Variants in CACHD1 observed in about 807,000 individuals in gnomAD.
CACHD1 encodes the protein VWFA and cache domain-containing protein 1.
Under a neutral mutation model 138.7 loss-of-function variants are expected in CACHD1, and 71 were observed. The observed-to-expected ratio is 0.51, with a 90% CI of 0.42 to 0.62. The LOEUF (loss-of-function observed/expected upper bound fraction) is 0.62. Ranked by LOEUF, CACHD1 falls within the 20% of genes least tolerant of loss-of-function variation. The pLI, the probability that CACHD1 is intolerant of heterozygous loss-of-function variation, is 0.00. For synonymous variants in CACHD1, 578 were observed against 591.5 expected (o/e 0.98, Z 0.33); for missense variants, 1,389 against 1,625.3 (o/e 0.85, Z 2.50).
chr1:64,676,990 G>A lies in CACHD1; in HGVS notation c.3071G>A (p.Cys1024Tyr). ...DALHQCVNSR[C>Y]SQRLESGDCF... ...CTTCACCAGTGTGTCAACAGCAGGT[G>A]CAGTCAGAGGCTGGAAAGTGGGTAA... is the stretch of plus-strand genomic sequence containing the variant. The change falls in exon 22 of 27, where the codon TGC (cysteine) becomes TAC (tyrosine). Residue 1024 changes from cysteine to tyrosine, a missense_variant. Cys to Tyr is a radical substitution (Grantham distance 194). Transcript: ENST00000651257. The A allele has an allele frequency of 6.2e-7, 1 of 1,613,610 alleles. No homozygotes were observed. The highest frequency in any genetic ancestry group is 8.5e-7 in the Non-Finnish European group (1 of 1,179,670).
chr1:64,473,526 C>T (rs1646157593), intron 1 of CACHD1, among the ~76,000 whole-genome samples: 1 of 151,854 alleles, frequency 6.6e-6, no homozygotes, highest in South Asian at 2.1e-4. Context: ...CAGAGGTAAG[C>T]CTCACATAGG....
chr1:64,665,025 T>C (rs1649582589), intron 15 of CACHD1, among the ~76,000 whole-genome samples: 2 of 152,252 alleles, frequency 1.3e-5, no homozygotes, highest in Admixed American at 6.5e-5. Context: ...TTACAGCTTA[T>C]GTATGACCTG....
chr1:64,520,359 T>C (rs1646489478), intron 1 of CACHD1, among the ~76,000 whole-genome samples: 1 of 152,170 alleles, frequency 6.6e-6, no homozygotes, highest in African/African-American at 2.4e-5. Context: ...CCCACACAAA[T>C]CCACCTCTGA....
At chr1:64,482,046 G>C (rs1156777783) in intron 1 of CACHD1, among the ~76,000 whole-genome samples, 1 of 152,120 alleles carries the variant, frequency 6.6e-6, no homozygotes, top group East Asian at 1.9e-4. Flanking sequence ...TATCATCTCT[G>C]ATATAAATGT....
intron 13 of CACHD1, among the ~76,000 whole-genome samples, chr1:64,662,276 TGGG>T (rs1649469816): frequency 6.6e-6 from 1 of 152,224 alleles, no homozygotes. Flanking sequence ...GGCCTTGACT[TGGG>T]GTTCCTATCA....
At chr1:64,525,395 A>C (rs1314435032) in intron 1 of CACHD1, among the ~76,000 whole-genome samples, 4 of 152,160 alleles carry the variant, frequency 2.6e-5, no homozygotes, top group Non-Finnish European at 4.4e-5. Flanking sequence ...ATAACCTATC[A>C]GACATTCTTT....
At chr1:64,651,372 C>T (rs1335922905) in intron 9 of CACHD1, among the ~76,000 whole-genome samples, 1 of 152,042 alleles carries the variant, frequency 6.6e-6, no homozygotes, top group East Asian at 1.9e-4. Flanking sequence ...TTGTTTTCAC[C>T]TTTTTTTAAA....
At chr1:64,680,487 GAA>G (rs111606474) in intron 24 of CACHD1, among the ~76,000 whole-genome samples, 1 of 142,436 alleles carries the variant, frequency 7.0e-6, no homozygotes, top group African/African-American at 2.6e-5. Flanking sequence ...GACTCCATCT[GAA>G]AAAAAAAAAA....
At chr1:64,558,869 A>G (rs1011635563) in intron 2 of CACHD1, among the ~76,000 whole-genome samples, 3 of 152,228 alleles carry the variant, frequency 2.0e-5, no homozygotes, top group Non-Finnish European at 2.9e-5. Context: ...GAAGACATAC[A>G]TCTTCCCAAC....
At chr1:64,574,322 A>G (rs1025249068) in intron 2 of CACHD1, among the ~76,000 whole-genome samples, 6 of 152,196 alleles carry the variant, frequency 3.9e-5, no homozygotes, top group African/African-American at 1.4e-4. Context: ...ATAAGGCACA[A>G]ATGAGACACT....
At chr1:64,479,221 C>T (rs1412455680) in intron 1 of CACHD1, among the ~76,000 whole-genome samples, 2 of 152,180 alleles carry the variant, frequency 1.3e-5, no homozygotes, top group African/African-American at 4.8e-5. Flanking sequence ...ATCATAATGA[C>T]TTCAACACAG....
chr1:64,652,882 C>A (rs1043248157), intron 10 of CACHD1, among the ~76,000 whole-genome samples: 9 of 152,198 alleles, frequency 5.9e-5, no homozygotes, highest in Non-Finnish European at 1.2e-4. Context: ...ACCCAGCAAT[C>A]CCATTACTGG....
chr1:64,616,032 A>G (rs1193657410), intron 4 of CACHD1, among the ~76,000 whole-genome samples: 1 of 152,102 alleles, frequency 6.6e-6, no homozygotes, highest in East Asian at 1.9e-4. Context: ...ATGTGTCCTG[A>G]CTCCTAGTCA....
intron 1 of CACHD1, among the ~76,000 whole-genome samples, chr1:64,530,940 T>TTG (rs1553130014): frequency 6.7e-6 from 1 of 149,312 alleles, no homozygotes; most frequent in Non-Finnish European, 1.5e-5. Context: ...TTTGTTTTTT[T>TTG]TTTTTTTAGA....
chr1:64,681,061 C>G (rs1479720453), intron 24 of CACHD1, among the ~76,000 whole-genome samples, 197 bp from the exon 25 acceptor site: 1 of 152,100 alleles, frequency 6.6e-6, no homozygotes, highest in African/African-American at 2.4e-5. Flanking sequence ...CTCTTGATTA[C>G]TTGTTCTTCT....
chr1:64,666,189 T>C (rs1649626632), intron 16 of CACHD1, 22 bp downstream of exon 16: 1 of 1,421,496 alleles, frequency 7.0e-7, no homozygotes. Context: ...ACTAACTTTA[T>C]AGTCATTTCT....
chr1:64,576,912 T>C (rs1260798613), intron 2 of CACHD1, among the ~76,000 whole-genome samples: 1 of 151,728 alleles, frequency 6.6e-6, no homozygotes, highest in Non-Finnish European at 1.5e-5. Context: ...TGTTTGTTTT[T>C]TTTTTTTAGA....
intron 2 of CACHD1, among the ~76,000 whole-genome samples, chr1:64,551,224 T>C (rs1646756650): frequency 6.6e-6 from 1 of 152,048 alleles, no homozygotes; most frequent in Admixed American, 6.6e-5. Context: ...TTTCCTCTTT[T>C]TTTTTTTCCT....
chr1:64,671,244 A>C (rs1649803362), intron 16 of CACHD1, among the ~76,000 whole-genome samples: 1 of 152,094 alleles, frequency 6.6e-6, no homozygotes, highest in Admixed American at 6.5e-5. Flanking sequence ...GTAGTCATGC[A>C]TCCAACCTCC....
Sources: gnomAD v4.1 joint callset for allele counts (sites outside exome capture counted in the v4.1 genomes callset) on GRCh38, gnomAD v4.1.1 for gene constraint, MANE v1.5 for transcripts, NCBI Gene and HGNC (gene_info 2026-07-23, HGNC 2026-07-21) for gene names.